The following NUTM1 variants were observed in gnomAD, a reference collection of about 807,000 sequenced individuals.
The protein encoded by NUTM1 is NUT family member 1.
In NUTM1, 39 loss-of-function variants were observed where a neutral mutation model predicts 88.7. The ratio of observed to expected loss-of-function variants is 0.44; its 90% confidence interval spans 0.34 to 0.57. NUTM1 has a LOEUF of 0.57. Ranked by LOEUF, NUTM1 falls within the 20% of genes least tolerant of loss-of-function variation. The probability of loss-of-function intolerance (pLI) is 0.01; values close to 1 mark genes in which losing one functional copy is unlikely to be tolerated. For synonymous variants in NUTM1, 494 were observed against 538.0 expected (o/e 0.92, Z 1.13); for missense variants, 1,350 against 1,414.5 (o/e 0.95, Z 0.73).
At position 34,356,133 on chromosome 15, in the gene NUTM1, TG is replaced by T; in HGVS notation, c.2128del (p.Glu710LysfsTer43). The T allele has an allele frequency of 6.2e-7, 1 of 1,612,990 alleles. No homozygotes were observed. Among genetic ancestry groups the T allele is most frequent in the South Asian group, 1.1e-5 (1 of 91,042 alleles). On this transcript the variant is annotated frameshift_variant, in exon 8 of 8. Transcript: ENST00000537011. LOFTEE classifies it high-confidence loss of function. ...PQGKEPLAVP[W>X]EGSSGAMWGD... ...AGGGAAGGAGCCTTTAGCAGTGCCCTGGGAAGGCTCTTCAGGAGCCATGTGG... is the reference window on the plus strand; with the variant it reads ...AGGGAAGGAGCCTTTAGCAGTGCCCTGGAAGGCTCTTCAGGAGCCATGTGG...
chr15:34,352,200 A>G (rs937418577), intron 4 of NUTM1, among the ~76,000 whole-genome samples: 1 of 152,224 alleles, frequency 6.6e-6, no homozygotes, highest in Non-Finnish European at 1.5e-5. Context: ...GAAAAAACTC[A>G]GAAAAATGAA....
Position 34,343,520 on chromosome 15 carries a change from T to C in NUTM1, c.-177T>C. 4.9e-6 allele frequency: 7 copies of C among 1,435,594 alleles called. No individual in the cohort carries two copies. In the East Asian group the frequency reaches 1.0e-4, roughly 21 times the overall value. The allele number at this position is 1,435,594 out of a possible 1,614,324, so 88.9% of individuals were successfully genotyped here. ...AGAGGTTTTCTTCCCTCCCCTCTTTTACATCCAGTTCCCCTGCTCCATTTC... is the reference window on the plus strand; with the variant it reads ...AGAGGTTTTCTTCCCTCCCCTCTTTCACATCCAGTTCCCCTGCTCCATTTC... On this transcript the variant is annotated 5_prime_UTR_variant, in exon 1 of 8. Coordinates refer to ENST00000537011, the MANE Select transcript of NUTM1 (RefSeq NM_001284292.2).
At position 34,357,252 on chromosome 15, in the gene NUTM1, C is replaced by G; in HGVS notation, c.3244C>G (p.Leu1082Val). 6.2e-7 allele frequency: 1 copy of G among 1,614,084 alleles called. No individual in the cohort carries two copies. The highest frequency in any genetic ancestry group is 1.3e-5 in the African/African-American group (1 of 75,044). Reference protein sequence around the residue: ...GGQGSQRASHLLPAGAKGPSK... With the variant: ...GGQGSQRASHVLPAGAKGPSK... ...TCAGGGCAGCCAGAGAGCATCCCACCTGCTCCCTGCTGGAGCAAAAGGCCC... is the reference window on the plus strand; with the variant it reads ...TCAGGGCAGCCAGAGAGCATCCCACGTGCTCCCTGCTGGAGCAAAAGGCCC... The change falls in exon 8 of 8, where the codon CTG becomes GTG. Residue 1082 changes from leucine (L) to valine (V), a missense_variant. Physicochemically the swap from Leu to Val is conservative, Grantham distance 32. This residue lies in a region of NUTM1 where 730 missense variants were observed against 728.8 expected (regional missense o/e 1.00). Coordinates refer to ENST00000537011, the MANE Select transcript of NUTM1 (RefSeq NM_001284292.2).
chr15:34,357,612 T>G lies in NUTM1; in HGVS notation c.*121T>G. ...ATGTTGAATCTCATCCCAATGTTGTTTTGTTGTTCTGCAAAAGTGGCAAGC... is the reference window on the plus strand; with the variant it reads ...ATGTTGAATCTCATCCCAATGTTGTGTTGTTGTTCTGCAAAAGTGGCAAGC... On this transcript the variant is annotated 3_prime_UTR_variant, in exon 8 of 8. Transcript: ENST00000537011. 1 of 1,580,344 alleles carries G rather than the reference T, an allele frequency of 6.3e-7. No individual in the cohort carries two copies. Among genetic ancestry groups the G allele is most frequent in the South Asian group, 1.1e-5 (1 of 89,858 alleles).
Position 34,344,994 on chromosome 15 carries a change from G to A in NUTM1, c.7-948G>A, listed in dbSNP as rs1566886973. 2.0e-5 allele frequency among the ~76,000 whole-genome samples: 3 copies of A among 152,138 alleles called. No homozygotes were observed. The South Asian group carries it at 6.2e-4, about 32-fold the overall frequency. On this transcript the variant is annotated intron_variant, in intron 1 of 7. Coordinates refer to ENST00000537011, the MANE Select transcript of NUTM1 (RefSeq NM_001284292.2). ...GATCACGCCACTGCACTACAGCCTG[G>A]GTGACAGAGCGAGACTCTGTTTAAA...
At chr15:34,349,509 A>G (rs1890669424) in intron 3 of NUTM1, among the ~76,000 whole-genome samples, 1 of 152,194 alleles carries the variant, frequency 6.6e-6, no homozygotes, top group Non-Finnish European at 1.5e-5. Context: ...GTGTGTGTTT[A>G]GTCAAGGAGC....
chr15:34,354,612 G>A lies in NUTM1; in HGVS notation c.1242G>A (p.Gly414=). 6.2e-7 allele frequency: 1 copy of A among 1,614,170 alleles called. No individual in the cohort carries two copies. The highest frequency in any genetic ancestry group is 8.5e-7 in the Non-Finnish European group (1 of 1,180,026). ...EWLVGTHLAT[G]ESDGKQEEEG... Reference sequence around the variant, plus strand: ...TGGTGGGGACTCACTTGGCCACTGGGGAGTCAGATGGAAAACAAGAGGAAG... The same window carrying A: ...TGGTGGGGACTCACTTGGCCACTGGAGAGTCAGATGGAAAACAAGAGGAAG... Residue 414 remains glycine (G), a synonymous_variant, in exon 6 of 8, where the codon GGG becomes GGA. Coordinates refer to ENST00000537011, the MANE Select transcript of NUTM1 (RefSeq NM_001284292.2).
rs1164953181 is a variant in NUTM1 at position 34,356,373 on chromosome 15, G to A, written c.2365G>A (p.Gly789Arg). The change falls in exon 8 of 8, where the codon GGA (glycine) becomes AGA (arginine). Residue 789 changes from glycine to arginine, a missense_variant. By Grantham distance (125) the Gly-to-Arg change is moderately radical (BLOSUM62 -2). This residue lies in a region of NUTM1 where 730 missense variants were observed against 728.8 expected (regional missense o/e 1.00). Transcript: ENST00000537011. The stretch of plus-strand genomic sequence containing the variant: ...AACTGAGTATCAGGAAGGCTGCCAG[G>A]GACTGGGCTCCAGGGGCAACATTTC... ...CVTEYQEGCQ[G>R]LGSRGNISLG... The A allele has an allele frequency of 5.0e-6, 8 of 1,613,540 alleles. No individual in the cohort carries two copies. The highest frequency in any genetic ancestry group is 6.8e-6 in the Non-Finnish European group (8 of 1,179,838).
chr15:34,343,414 A>G lies in NUTM1; in HGVS notation c.-283A>G. 1.6e-6 allele frequency: 1 copy of G among 631,606 alleles called. No homozygotes were observed. Among genetic ancestry groups the G allele is most frequent in the East Asian group, 2.8e-5 (1 of 36,094 alleles). The allele number at this position is 631,606 out of a possible 1,614,324, so 39.1% of individuals were successfully genotyped here. On this transcript the variant is annotated 5_prime_UTR_variant, in exon 1 of 8. Transcript: ENST00000537011. ...TGTCTTTGTCTCAAGATACACACCC[A>G]TTTCAGGAGCAGTGAGTTTTCAATG... is the stretch of plus-strand genomic sequence containing the variant.
At chr15:34,351,452 C>T (rs1272734916) in intron 4 of NUTM1, among the ~76,000 whole-genome samples, 2 of 150,978 alleles carry the variant, frequency 1.3e-5, no homozygotes, top group Admixed American at 1.3e-4. Context: ...TGGCAGTTTC[C>T]TGGATCCTTG....
rs753925328 is a variant in NUTM1, at chr15:34,348,687, G to C, written c.809+10G>C. The C allele has an allele frequency of 1.9e-6, 3 of 1,549,632 alleles. No homozygotes were observed. The highest frequency in any genetic ancestry group is 2.6e-6 in the Non-Finnish European group (3 of 1,133,086). On this transcript the variant is annotated intron_variant, in intron 3 of 7. Transcript: ENST00000537011. ...TTTCCTGTTTTCTTATGTAAGTGGGGAGACCGGAGATTAATTATTCTAGGG... is the reference window on the plus strand; with the variant it reads ...TTTCCTGTTTTCTTATGTAAGTGGGCAGACCGGAGATTAATTATTCTAGGG...
intron 1 of NUTM1, among the ~76,000 whole-genome samples, chr15:34,345,629 G>GAGAT (rs1206553673): frequency 5.3e-5 from 8 of 152,240 alleles, no homozygotes; most frequent in African/African-American, 1.9e-4. Flanking sequence ...GACACAAAAT[G>GAGAT]AGATATGTTG....
intron 4 of NUTM1, among the ~76,000 whole-genome samples, chr15:34,351,802 G>C (rs1890714216): frequency 6.6e-6 from 1 of 151,466 alleles, no homozygotes. Flanking sequence ...AAGAGCCGGG[G>C]AAAGCCAGTG....
At chr15:34,347,153 C>T (rs1292743961) in intron 2 of NUTM1, among the ~76,000 whole-genome samples, 1 of 151,998 alleles carries the variant, frequency 6.6e-6, no homozygotes, top group Non-Finnish European at 1.5e-5. Flanking sequence ...TGTGGTGGCT[C>T]ACACCAGTTA....
Position 34,353,807 on chromosome 15 carries a change from C to G in NUTM1, c.1010C>G (p.Ser337Cys). 1 of 1,614,118 alleles carries G rather than the reference C, an allele frequency of 6.2e-7. No individual in the cohort carries two copies. Among genetic ancestry groups the G allele is most frequent in the Non-Finnish European group, 8.5e-7 (1 of 1,179,984 alleles). ...TQLMNGSQGL[S>C]PATPLKLDPL... ...CTGATGAATGGGTCTCAGGGCCTGT[C>G]TCCTGCAACCCCTTTGAAACTTGAT... The change falls in exon 5 of 8, where the codon TCT becomes TGT. Residue 337 changes from serine (S) to cysteine (C), a missense_variant. Ser to Cys is a moderately radical substitution (Grantham distance 112). Coordinates refer to ENST00000537011, the MANE Select transcript of NUTM1 (RefSeq NM_001284292.2).
intron 5 of NUTM1, 36 bp from the exon 6 acceptor site, chr15:34,354,410 G>A (rs376994040): frequency 4.4e-6 from 7 of 1,604,636 alleles, no homozygotes; most frequent in Non-Finnish European, 5.1e-6. Flanking sequence ...TGGTTTCTGT[G>A]CTACTTCCCA....
chr15:34,357,162 T>A lies in NUTM1; in HGVS notation c.3154T>A (p.Leu1052Met). 1 of 1,614,186 alleles carries A rather than the reference T, an allele frequency of 6.2e-7. No individual in the cohort carries two copies. The highest frequency in any genetic ancestry group is 8.5e-7 in the Non-Finnish European group (1 of 1,180,028). Residue 1052 changes from leucine to methionine, a missense_variant, in exon 8 of 8, where the codon TTG becomes ATG. Transcript: ENST00000537011. ...DEELSNFAYLLASKLSLSPRE... is the reference protein window; with the variant it reads ...DEELSNFAYLMASKLSLSPRE... The stretch of plus-strand genomic sequence containing the variant: ...GGAACTCTCCAACTTTGCTTACCTC[T>A]TGGCCTCTAAACTTAGCCTCTCACC...
intron 2 of NUTM1, 106 bp downstream of exon 2, chr15:34,346,141 G>T (rs12592913): frequency 0.13 from 149,701 of 1,153,520 alleles, 10,805 homozygotes; most frequent in East Asian, 0.3. Flanking sequence ...CCCCGTCAAA[G>T]GTATCACACT....
rs184134119 is a variant in NUTM1 at position 34,353,015 on chromosome 15, A to G, written c.939-721A>G. Among the ~76,000 whole-genome samples the G allele has an allele frequency of 1.8e-3, 266 of 145,938 alleles. 3 individuals carry two copies. Among genetic ancestry groups the G allele is most frequent in the African/African-American group, 6.5e-3 (254 of 39,110 alleles). ...ATTCTCCTGCCTAAGCCTCCCGAGT[A>G]GCTGGGATTACAGGCACCCACCACC... On this transcript the variant is annotated intron_variant, in intron 4 of 7. Transcript: ENST00000537011.
Sources: gnomAD v4.1 joint callset for allele counts (sites outside exome capture counted in the v4.1 genomes callset) on GRCh38, gnomAD v4.1.1 for gene constraint, gnomAD v4.1.1 regional missense constraint, MANE v1.5 for transcripts, NCBI Gene and HGNC (gene_info 2026-07-23, HGNC 2026-07-21) for gene names.